The following SHCBP1L variants were observed in gnomAD, a reference collection of about 807,000 sequenced individuals.
SHCBP1L encodes testicular spindle-associated protein SHCBP1L.
Under a neutral mutation model 62.5 loss-of-function variants are expected in SHCBP1L, and 67 were observed. The ratio of observed to expected loss-of-function variants is 1.07; its 90% confidence interval spans 0.88 to 1.31. The LOEUF (loss-of-function observed/expected upper bound fraction) is 1.31, where lower values mean the gene tolerates loss of function less well. Ranked by LOEUF, SHCBP1L falls within the 40% of genes most tolerant of loss-of-function variation. The probability of loss-of-function intolerance (pLI) is 0.00; values close to 1 mark genes in which losing one functional copy is unlikely to be tolerated. For synonymous variants in SHCBP1L, 284 were observed against 289.4 expected, an observed-to-expected ratio of 0.98 and a Z score of 0.19; for missense variants, 823 against 809.8, an observed-to-expected ratio of 1.02 and a Z score of -0.20.
chr1:182,939,914 A>G (rs1028300573), intron 3 of SHCBP1L, among the ~76,000 whole-genome samples: 7 of 152,282 alleles, frequency 4.6e-5, no homozygotes, highest in African/African-American at 1.7e-4. Context: ...TTGTTTGTGG[A>G]TAGCTTCCCT....
intron 6 of SHCBP1L, among the ~76,000 whole-genome samples, chr1:182,914,415 AGATACC>A (rs1219247125): frequency 1.3e-5 from 2 of 152,234 alleles, no homozygotes; most frequent in Non-Finnish European, 2.9e-5. Flanking sequence ...ATATAATTTA[AGATACC>A]GATGCCTAAA....
At chr1:182,910,898 GT>G (rs200716383) in intron 6 of SHCBP1L, among the ~76,000 whole-genome samples, 7 of 150,880 alleles carry the variant, frequency 4.6e-5, no homozygotes, top group African/African-American at 1.2e-4. Flanking sequence ...TGTTGTTGTG[GT>G]TTTTTTTTGA....
intron 6 of SHCBP1L, among the ~76,000 whole-genome samples, chr1:182,927,866 T>C (rs1264238738): frequency 6.6e-6 from 1 of 151,846 alleles, no homozygotes; most frequent in Non-Finnish European, 1.5e-5. Context: ...AAAACAGAAT[T>C]GCAAAGCACT....
chr1:182,918,107 T>C, intron 6 of SHCBP1L, among the ~76,000 whole-genome samples: 1 of 149,106 alleles, frequency 6.7e-6, no homozygotes, highest in East Asian at 1.9e-4. Context: ...TATGTATATA[T>C]ACACACACAT....
chr1:182,940,309 A>G lies in SHCBP1L; in HGVS notation c.770+20T>C, dbSNP rs1014796509. ...TTTGGATATAATAAATTTAATTTTCAAAAGTAAAGGCCCTAATACCTGACA... is the reference window on the plus strand; with the variant it reads ...TTTGGATATAATAAATTTAATTTTCGAAAGTAAAGGCCCTAATACCTGACA... On this transcript the variant is annotated intron_variant, in intron 3 of 9. Transcript: ENST00000367547. 6.3e-6 allele frequency: 10 copies of G among 1,585,288 alleles called. No individual in the cohort carries two copies. The highest frequency in any genetic ancestry group is 8.6e-6 in the Non-Finnish European group (10 of 1,165,618).
intron 1 of SHCBP1L, among the ~76,000 whole-genome samples, chr1:182,952,312 T>C (rs1018178435): frequency 3.4e-5 from 5 of 144,930 alleles, no homozygotes; most frequent in African/African-American, 1.3e-4. Context: ...TGTGGACTGC[T>C]GAGTGGGAAG....
chr1:182,935,634 G>A (rs1651141345), intron 5 of SHCBP1L, among the ~76,000 whole-genome samples: 1 of 152,000 alleles, frequency 6.6e-6, no homozygotes, highest in South Asian at 2.1e-4. Context: ...CCAGTTTGTA[G>A]GCCTTTTGTT....
chr1:182,924,737 A>G lies in SHCBP1L; in HGVS notation c.1182+4910T>C, dbSNP rs1422160948. Among the ~76,000 whole-genome samples the G allele has an allele frequency of 2.7e-4, 26 of 96,058 alleles. 1 individual carries two copies. The highest frequency in any genetic ancestry group is 6.3e-4 in the African/African-American group (8 of 12,706). The allele number at this position is 96,058 out of a possible 152,430, so 63.0% of individuals were successfully genotyped here. ...GAAAGAAAGAAAGAAAGAAAGAAAG[A>G]AAGAAAGAAAGAAAGAAAGAAAGAA... On this transcript the variant is annotated intron_variant, in intron 6 of 9. Transcript: ENST00000367547.
chr1:182,948,081 A>G (rs774535697), intron 2 of SHCBP1L, among the ~76,000 whole-genome samples: 9 of 152,362 alleles, frequency 5.9e-5, no homozygotes, highest in Non-Finnish European at 1.3e-4. Flanking sequence ...TCAACTGTAT[A>G]CGATATCAGC....
At chr1:182,915,099 T>C (rs1650311081) in intron 6 of SHCBP1L, among the ~76,000 whole-genome samples, 1 of 134,586 alleles carries the variant, frequency 7.4e-6, no homozygotes, top group Admixed American at 8.8e-5. Flanking sequence ...GAGGCGGAAG[T>C]TGCAGTGAGC....
chr1:182,931,912 C>G (rs1268470908), intron 5 of SHCBP1L, among the ~76,000 whole-genome samples: 1 of 143,562 alleles, frequency 7.0e-6, no homozygotes, highest in Non-Finnish European at 1.5e-5. Context: ...TCTCTATGCT[C>G]TGCCTCTCCC....
chr1:182,931,943 A>ATTTTTT (rs1164377476), intron 5 of SHCBP1L, among the ~76,000 whole-genome samples: 1,038 of 69,668 alleles, frequency 0.015, 109 homozygotes, highest in Middle Eastern at 0.062. Context: ...GGAACCACTG[A>ATTTTTT]TTTTTTTTTT....
At chr1:182,927,307 G>A (rs2101939822) in intron 6 of SHCBP1L, among the ~76,000 whole-genome samples, 1 of 151,844 alleles carries the variant, frequency 6.6e-6, no homozygotes, top group Admixed American at 6.5e-5. Flanking sequence ...TGAATAAACT[G>A]CGTCTAAGGG....
At chr1:182,933,429 A>G (rs989023188) in intron 5 of SHCBP1L, among the ~76,000 whole-genome samples, 10 of 152,146 alleles carry the variant, frequency 6.6e-5, no homozygotes, top group Non-Finnish European at 1.3e-4. Context: ...AGGGGGAAAA[A>G]CATCTCTTCT....
chr1:182,904,464 T>C, intron 7 of SHCBP1L, 34 bp from the exon 8 acceptor site: 1 of 1,607,410 alleles, frequency 6.2e-7, no homozygotes, highest in Non-Finnish European at 8.5e-7. Flanking sequence ...ATTAAATCAG[T>C]AATCTCCCAT....
At chr1:182,945,057 G>C (rs141897215) in intron 2 of SHCBP1L, among the ~76,000 whole-genome samples, 1 of 146,434 alleles carries the variant, frequency 6.8e-6, no homozygotes. Context: ...TCTGCCTCCC[G>C]GGTTCAAGCA....
At position 182,939,557 on chromosome 1, in the gene SHCBP1L, C is replaced by T. The variant is rs376818228; in HGVS notation, c.771-4G>A. On this transcript the variant is annotated splice_region_variant and splice_polypyrimidine_tract_variant and intron_variant, in intron 3 of 9. Coordinates refer to ENST00000367547, the MANE Select transcript of SHCBP1L (RefSeq NM_030933.4). ...CCAAAGAAAGTCATAAAAAAACCTA[C>T]GATAAACCAAATTAAGATGACAGTA... 2.0e-5 allele frequency: 32 copies of T among 1,590,062 alleles called. No homozygotes were observed. The highest frequency in any genetic ancestry group is 4.5e-5 in the East Asian group (2 of 44,386).
chr1:182,901,193 C>T (rs909871944), intron 9 of SHCBP1L, among the ~76,000 whole-genome samples: 1 of 152,058 alleles, frequency 6.6e-6, no homozygotes, highest in Non-Finnish European at 1.5e-5. Context: ...CGTGGTGGCT[C>T]ACACCTGTAA....
intron 7 of SHCBP1L, 96 bp from the exon 8 acceptor site, chr1:182,904,526 CCTGTGTGCGTGTGT>C (rs1649944070): frequency 8.7e-7 from 1 of 1,148,616 alleles, no homozygotes; most frequent in Non-Finnish European, 1.2e-6. Flanking sequence ...AAAGTTTTTC[CCTGTGTGCGTGTGT>C]GTGTGTGTGT....
Sources: allele counts gnomAD v4.1 joint callset (sites outside exome capture counted in the v4.1 genomes callset), GRCh38; gene constraint gnomAD v4.1.1; transcripts MANE v1.5; gene names NCBI Gene and HGNC (gene_info 2026-07-23, HGNC 2026-07-21).